SLC25A13: variants seen among roughly 807,000 people sequenced by gnomAD.
SLC25A13 encodes the protein electrogenic aspartate/glutamate antiporter SLC25A13, mitochondrial.
Under a neutral mutation model 85.5 loss-of-function variants are expected in SLC25A13, and 70 were observed. The ratio of observed to expected loss-of-function variants is 0.82; its 90% CI spans 0.68 to 1.00. SLC25A13 has a LOEUF of 1.00. SLC25A13 is among the 50% of genes least tolerant of loss of function. The pLI, the probability that SLC25A13 is intolerant of heterozygous loss-of-function variation, is 0.00. For synonymous variants in SLC25A13, 259 were observed against 288.7 expected, an observed-to-expected ratio of 0.90 and a Z score of 1.04; for missense variants, 765 against 819.8, an observed-to-expected ratio of 0.93 and a Z score of 0.82.
At position 96,193,251 on chromosome 7, in the gene SLC25A13, C is replaced by T; in HGVS notation, c.469-68G>A. 5.1e-6 allele frequency: 8 copies of T among 1,571,134 alleles called. No homozygotes were observed. In the East Asian group the frequency reaches 1.9e-4, roughly 36 times the overall value. ...TTAATAATTACTACAAATGACAGTT[C>T]ATTTTAAAATCAGACTGAAGAAAGA... On this transcript the variant is annotated intron_variant, in intron 5 of 17. Coordinates refer to ENST00000265631, the MANE Select transcript of SLC25A13 (RefSeq NM_014251.3).
At chr7:96,248,098 C>T (rs1168393991) in intron 3 of SLC25A13, among the ~76,000 whole-genome samples, 1 of 152,094 alleles carries the variant, frequency 6.6e-6, no homozygotes, top group Non-Finnish European at 1.5e-5. Flanking sequence ...ATTACCACTC[C>T]CAAACCAAGG....
chr7:96,280,505 C>T (rs1160604400), intron 2 of SLC25A13, among the ~76,000 whole-genome samples: 7 of 152,074 alleles, frequency 4.6e-5, no homozygotes, highest in Admixed American at 6.5e-5. Flanking sequence ...CGCTTGAGCC[C>T]AGGAGTTCAA....
At chr7:96,139,443 A>G (rs1792431293) in intron 14 of SLC25A13, among the ~76,000 whole-genome samples, 1 of 152,098 alleles carries the variant, frequency 6.6e-6, no homozygotes, top group Admixed American at 6.5e-5. Flanking sequence ...GAGATTATGG[A>G]CATTACATGA....
intron 1 of SLC25A13, among the ~76,000 whole-genome samples, chr7:96,317,865 T>C (rs1800190699): frequency 6.6e-6 from 1 of 151,080 alleles, no homozygotes; most frequent in South Asian, 2.1e-4. Flanking sequence ...ACAGTGGTGC[T>C]ATCTCAGCTC....
At chr7:96,300,580 T>C (rs1320849512) in intron 1 of SLC25A13, among the ~76,000 whole-genome samples, 1 of 152,160 alleles carries the variant, frequency 6.6e-6, no homozygotes, top group Non-Finnish European at 1.5e-5. Context: ...AAGGGATAAA[T>C]TAGCAAAAGA....
At chr7:96,240,533 G>C (rs542378140) in intron 3 of SLC25A13, among the ~76,000 whole-genome samples, 1 of 152,210 alleles carries the variant, frequency 6.6e-6, no homozygotes, top group East Asian at 1.9e-4. Flanking sequence ...GAAGACCAGA[G>C]ATGAAGAATC....
intron 5 of SLC25A13, among the ~76,000 whole-genome samples, chr7:96,200,131 T>C (rs1795199472): frequency 6.6e-6 from 1 of 152,160 alleles, no homozygotes; most frequent in African/African-American, 2.4e-5. Flanking sequence ...ATTTGCATTT[T>C]TGTGTTTTGA....
intron 3 of SLC25A13, among the ~76,000 whole-genome samples, chr7:96,240,638 G>A (rs913061051): frequency 7.3e-5 from 11 of 151,706 alleles, no homozygotes; most frequent in Admixed American, 5.3e-4. Context: ...CAGCACTTTG[G>A]GAGGCCAAGG....
chr7:96,318,793 TCAAA>T (rs1490204738), intron 1 of SLC25A13, among the ~76,000 whole-genome samples: 25 of 152,214 alleles, frequency 1.6e-4, no homozygotes, highest in Non-Finnish European at 3.5e-4. Flanking sequence ...GCTTAAATAT[TCAAA>T]CAATTTGTCA....
chr7:96,146,672 T>C lies in SLC25A13; in HGVS notation c.1336A>G (p.Thr446Ala). ...ATCTTGACGATTTCTAAAGGATTTG[T>C]GAAAATCACCTGGGAGCCTCCAGCC... is the stretch of plus-strand genomic sequence containing the variant. ...GCAGGSQVIF[T>A]NPLEIVKIRL... Residue 446 changes from threonine to alanine, a missense_variant, in exon 14 of 18, where the codon ACA becomes GCA. Thr to Ala is a moderately conservative substitution (Grantham distance 58). Transcript: ENST00000265631. 6.2e-7 allele frequency: 1 copy of C among 1,614,038 alleles called. No homozygotes were observed. Among genetic ancestry groups the C allele is most frequent in the Non-Finnish European group, 8.5e-7 (1 of 1,180,000 alleles).
intron 4 of SLC25A13, among the ~76,000 whole-genome samples, chr7:96,223,244 A>G (rs1796201790): frequency 6.6e-6 from 1 of 152,242 alleles, no homozygotes; most frequent in Admixed American, 6.5e-5. Flanking sequence ...CATTACCACC[A>G]ACACTTGTAA....
At chr7:96,258,918 A>T (rs1468772636) in intron 3 of SLC25A13, among the ~76,000 whole-genome samples, 1 of 152,200 alleles carries the variant, frequency 6.6e-6, no homozygotes, top group Non-Finnish European at 1.5e-5. Flanking sequence ...CCACACATCT[A>T]CAACCATCTG....
intron 11 of SLC25A13, among the ~76,000 whole-genome samples, chr7:96,174,189 T>C (rs1794123624): frequency 6.6e-6 from 1 of 152,244 alleles, no homozygotes; most frequent in African/African-American, 2.4e-5. Flanking sequence ...CTCCTGCTCT[T>C]GGATCTGAGA....
intron 7 of SLC25A13, among the ~76,000 whole-genome samples, chr7:96,190,774 G>A (rs4236529): frequency 0.99 from 149,927 of 152,178 alleles, 73,896 homozygotes; most frequent in East Asian, 1. Context: ...CACCACACCC[G>A]ACTAATGTTT....
At chr7:96,301,813 A>G (rs1799558344) in intron 1 of SLC25A13, among the ~76,000 whole-genome samples, 1 of 151,972 alleles carries the variant, frequency 6.6e-6, no homozygotes, top group Non-Finnish European at 1.5e-5. Flanking sequence ...ATTTTTTTGT[A>G]GAGACAGTCT....
At chr7:96,305,845 C>T (rs1305218344) in intron 1 of SLC25A13, among the ~76,000 whole-genome samples, 4 of 152,252 alleles carry the variant, frequency 2.6e-5, no homozygotes, top group South Asian at 2.1e-4. Flanking sequence ...TGTCCAAATT[C>T]CTGCTATCAA....
chr7:96,173,494 C>T (rs944150081), intron 11 of SLC25A13, among the ~76,000 whole-genome samples: 6 of 152,220 alleles, frequency 3.9e-5, no homozygotes, highest in Non-Finnish European at 7.3e-5. Context: ...CTGCATCTCA[C>T]ACACCCAGCT....
chr7:96,264,142 G>A (rs1263081395), intron 3 of SLC25A13, among the ~76,000 whole-genome samples: 1 of 152,112 alleles, frequency 6.6e-6, no homozygotes, highest in Non-Finnish European at 1.5e-5. Flanking sequence ...CAGTGGCCAT[G>A]ACCTCAACCC....
At chr7:96,283,680 T>A (rs1181790805) in intron 2 of SLC25A13, 1 of 291,108 alleles carries the variant, frequency 3.4e-6, no homozygotes, top group Non-Finnish European at 6.7e-6. Context: ...CTGAAATGCA[T>A]GAAGAAAAAT....
Sources: gnomAD v4.1 joint callset for allele counts (sites outside exome capture counted in the v4.1 genomes callset) on GRCh38, gnomAD v4.1.1 for gene constraint, MANE v1.5 for transcripts, NCBI Gene and HGNC (gene_info 2026-07-23, HGNC 2026-07-21) for gene names.